Variants in ELAPOR1 observed in about 807,000 individuals in gnomAD.
The protein encoded by ELAPOR1 is endosome-lysosome associated apoptosis and autophagy regulator 1, also known as endosome/lysosome-associated apoptosis and autophagy regulator 1.
ELAPOR1 carries 77 observed loss-of-function variants against 119.7 expected under a neutral mutation model. That is an observed-to-expected ratio of 0.64 (90% CI 0.54 to 0.78). ELAPOR1 has a LOEUF of 0.78. ELAPOR1 is among the 30% of genes least tolerant of loss of function. The pLI, the probability that ELAPOR1 is intolerant of heterozygous loss-of-function variation, is 0.00. For synonymous variants in ELAPOR1, 481 were observed against 487.2 expected, an observed-to-expected ratio of 0.99 and a Z score of 0.17; for missense variants, 1,115 against 1,270.4, an observed-to-expected ratio of 0.88 and a Z score of 1.86.
At chr1:109,177,611 G>T (rs1219217266) in intron 7 of ELAPOR1, among the ~76,000 whole-genome samples, 2 of 151,560 alleles carry the variant, frequency 1.3e-5, no homozygotes, top group African/African-American at 2.4e-5. Flanking sequence ...GGAGGTTGTA[G>T]CGAGCCGAGA....
chr1:109,155,278 C>A (rs1570652587), intron 1 of ELAPOR1, among the ~76,000 whole-genome samples: 1 of 151,944 alleles, frequency 6.6e-6, no homozygotes. Flanking sequence ...CGGGTTCACG[C>A]CATTCTCCTG....
At position 109,173,825 on chromosome 1, in the gene ELAPOR1, G is replaced by A; in HGVS notation, c.940G>A (p.Asp314Asn). The stretch of plus-strand genomic sequence containing the variant: ...AACTTCTTGCCACCAGTGTGACCCT[G>A]ACAAATACTCAGGTGATGTTTCTGA... Reference protein sequence around the residue: ...GETSCHQCDPDKYSEKGSSSC... With the variant: ...GETSCHQCDPNKYSEKGSSSC... Residue 314 changes from aspartate (D) to asparagine (N), a missense_variant, in exon 7 of 22, where the codon GAC becomes AAC. Coordinates refer to ENST00000369939, the MANE Select transcript of ELAPOR1 (RefSeq NM_020775.5). 6.2e-7 allele frequency: 1 copy of A among 1,613,920 alleles called. No homozygotes were observed. The highest frequency in any genetic ancestry group is 8.5e-7 in the Non-Finnish European group (1 of 1,179,940).
At chr1:109,157,755 C>G (rs988819601) in intron 1 of ELAPOR1, among the ~76,000 whole-genome samples, 3 of 152,216 alleles carry the variant, frequency 2.0e-5, no homozygotes, top group Non-Finnish European at 4.4e-5. Flanking sequence ...GGACTCTCCT[C>G]CACCTGAATT....
At chr1:109,175,565 G>A (rs1201253697) in intron 7 of ELAPOR1, among the ~76,000 whole-genome samples, 28 of 149,576 alleles carry the variant, frequency 1.9e-4, no homozygotes, top group African/African-American at 2.9e-4. Flanking sequence ...GGTGGCTCGC[G>A]CCTGTAATCC....
At chr1:109,153,813 G>A (rs968627437) in intron 1 of ELAPOR1, among the ~76,000 whole-genome samples, 17 of 151,760 alleles carry the variant, frequency 1.1e-4, no homozygotes, top group Non-Finnish European at 2.1e-4. Context: ...TAGTAGAGAC[G>A]GGGTTTCACC....
At chr1:109,187,362 G>T (rs1337672458) in intron 8 of ELAPOR1, 6 of 985,426 alleles carry the variant, frequency 6.1e-6, no homozygotes, top group Non-Finnish European at 7.2e-6. Context: ...GGAAGGAGGA[G>T]CCCAGGGCTC....
chr1:109,171,855 T>C lies in ELAPOR1; in HGVS notation c.468-11T>C. 2 of 1,614,066 alleles carry C rather than the reference T, an allele frequency of 1.2e-6. No homozygotes were observed. Among genetic ancestry groups the C allele is most frequent in the Non-Finnish European group, 1.7e-6 (2 of 1,179,956 alleles). On this transcript the variant is annotated splice_polypyrimidine_tract_variant and intron_variant, in intron 3 of 21. Coordinates refer to ENST00000369939, the MANE Select transcript of ELAPOR1 (RefSeq NM_020775.5). ...CTCCTGCCTGTGAACCTGGTTCCTGTTCCTTCACAGGTCCAAGTGGGTTCC... is the reference window on the plus strand; with the variant it reads ...CTCCTGCCTGTGAACCTGGTTCCTGCTCCTTCACAGGTCCAAGTGGGTTCC...
intron 1 of ELAPOR1, among the ~76,000 whole-genome samples, chr1:109,144,050 T>TAC: frequency 2.0e-5 from 1 of 50,480 alleles, no homozygotes; most frequent in African/African-American, 5.8e-5. Context: ...TATATATATA[T>TAC]ATATTTATAT....
intron 7 of ELAPOR1, among the ~76,000 whole-genome samples, chr1:109,179,019 G>GA (rs778885222): frequency 2.6e-5 from 4 of 151,640 alleles, no homozygotes; most frequent in Non-Finnish European, 4.4e-5. Context: ...GTCCCCTCTA[G>GA]AAAAGAAGGA....
At chr1:109,189,766 G>A (rs972783483) in intron 11 of ELAPOR1, 84 bp downstream of exon 11, 34 of 958,738 alleles carry the variant, frequency 3.5e-5, no homozygotes, top group Non-Finnish European at 5.1e-5. Context: ...TAGAGGAGAG[G>A]GCTTCCGGGG....
At chr1:109,148,647 G>T (rs636652) in intron 1 of ELAPOR1, among the ~76,000 whole-genome samples, 128,094 of 152,172 alleles carry the variant, frequency 0.84, 54,132 homozygotes, top group East Asian at 0.93. Context: ...AATTCTGTCC[G>T]CCAGGTTCTC....
chr1:109,203,099 C>T lies in ELAPOR1; in HGVS notation c.*87C>T, dbSNP rs1424437922. On this transcript the variant is annotated 3_prime_UTR_variant, in exon 22 of 22. Coordinates refer to ENST00000369939, the MANE Select transcript of ELAPOR1 (RefSeq NM_020775.5). ...ATTTGGGTGCCAGCATCCTGCAACA[C>T]CCACTGCTGGAAATCTCTTCATTGT... The T allele has an allele frequency of 4.9e-6, 4 of 819,330 alleles. No homozygotes were observed. The highest frequency in any genetic ancestry group is 8.3e-6 in the Non-Finnish European group (4 of 483,642). 50.8% of individuals were successfully genotyped at this position (819,330 alleles called of 1,614,324 possible). A position where few individuals can be genotyped will look rare whatever the true frequency, so the allele number is the denominator to read the frequency against.
intron 18 of ELAPOR1, among the ~76,000 whole-genome samples, chr1:109,199,563 G>C (rs940724665): frequency 6.6e-6 from 1 of 152,180 alleles, no homozygotes; most frequent in Admixed American, 6.6e-5. Context: ...CAAAGGGGTT[G>C]ATGAGACAGC....
chr1:109,182,316 CGA>C (rs1377000951), intron 7 of ELAPOR1, among the ~76,000 whole-genome samples: 1 of 143,582 alleles, frequency 7.0e-6, no homozygotes, highest in East Asian at 2.1e-4. Context: ...GGCAACAGAG[CGA>C]GACTCTGTCT....
In ELAPOR1 at chr1:109,202,932, T is replaced by A. The variant is rs370975824; in HGVS notation, c.2974-12T>A. 6.8e-6 allele frequency: 11 copies of A among 1,613,908 alleles called. No homozygotes were observed. Among genetic ancestry groups the A allele is most frequent in the Non-Finnish European group, 9.3e-6 (11 of 1,179,970 alleles). On this transcript the variant is annotated splice_polypyrimidine_tract_variant and intron_variant, in intron 21 of 21. Transcript: ENST00000369939. ...GTGCAGCAGCCAGCTCCTGTCACCA[T>A]CTCTCTTTCAGAGGACTCCTGATGG...
intron 7 of ELAPOR1, among the ~76,000 whole-genome samples, chr1:109,175,422 G>A (rs1159114310): frequency 5.3e-5 from 8 of 150,288 alleles, no homozygotes; most frequent in Non-Finnish European, 7.4e-5. Flanking sequence ...GGCTGGTCTC[G>A]AACTCCCAAC....
In ELAPOR1 at chr1:109,156,943, G is replaced by A. The variant is rs562999439; in HGVS notation, c.154-4951G>A. Among the ~76,000 whole-genome samples, 28 of 152,312 alleles carry A rather than the reference G, an allele frequency of 1.8e-4. 1 individual carries two copies. The highest frequency in any genetic ancestry group is 9.8e-4 in the Admixed American group (15 of 15,300). On this transcript the variant is annotated intron_variant, in intron 1 of 21. Transcript: ENST00000369939. ...GGAGGCAATAGTTCCTCCCAGAGAG[G>A]TGCTTCTCTCAGAAGAAGGGGGGTG...
chr1:109,161,959 G>T lies in ELAPOR1; in HGVS notation c.219G>T (p.Pro73=). The T allele has an allele frequency of 6.2e-7, 1 of 1,613,932 alleles. No homozygotes were observed. Among genetic ancestry groups the T allele is most frequent in the South Asian group, 1.1e-5 (1 of 91,070 alleles). The stretch of plus-strand genomic sequence containing the variant: ...GTTCCAGGTGGAGGGTCGCCGTGCC[G>T]CATACCCCGGGCCTGTGCACCAGCC... The part of the protein sequence containing the change: ...STGSRWRVAV[P]HTPGLCTSLP... The change falls in exon 2 of 22, where the codon CCG becomes CCT. Residue 73 remains proline, a synonymous_variant. Transcript: ENST00000369939.
chr1:109,138,774 CG>C (rs1466784261), intron 1 of ELAPOR1, among the ~76,000 whole-genome samples: 3 of 137,254 alleles, frequency 2.2e-5, no homozygotes, highest in African/African-American at 8.1e-5. Context: ...TCCTTGGTTG[CG>C]GTGAGCCGAG....
Sources: allele counts gnomAD v4.1 joint callset (sites outside exome capture counted in the v4.1 genomes callset), GRCh38; gene constraint gnomAD v4.1.1; transcripts MANE v1.5; gene names NCBI Gene and HGNC (gene_info 2026-07-23, HGNC 2026-07-21).